RFX2: variants seen among roughly 807,000 people sequenced by gnomAD.
RFX2 encodes the protein DNA-binding protein RFX2.
Under a neutral mutation model 87.8 loss-of-function variants are expected in RFX2, and 20 were observed. The observed-to-expected ratio is 0.23, with a 90% CI of 0.16 to 0.33. The LOEUF (loss-of-function observed/expected upper bound fraction) is 0.33, where lower values mean the gene tolerates loss of function less well. Among genes scored for constraint, RFX2 ranks in the 10% least tolerant of loss-of-function variants. RFX2 has a pLI of 1.00. For missense variants in RFX2, 767 were observed against 1,012.3 expected (o/e 0.76, Z 3.29); for synonymous variants, 397 against 431.3 (o/e 0.92, Z 0.98).
intron 2 of RFX2, among the ~76,000 whole-genome samples, chr19:6,046,655 G>A (rs1397883322): frequency 7.2e-6 from 1 of 139,524 alleles, no homozygotes; most frequent in Non-Finnish European, 1.5e-5. Context: ...GAGAGCAGTG[G>A]TATGATTACA....
intron 1 of RFX2, chr19:6,072,955 G>A (rs375814391): frequency 2.8e-6 from 2 of 709,262 alleles, no homozygotes; most frequent in Non-Finnish European, 2.5e-6. Context: ...TGACAATAGG[G>A]TTTGCAGAAG....
intron 1 of RFX2, among the ~76,000 whole-genome samples, chr19:6,049,784 TCC>T (rs1007194925): frequency 6.6e-6 from 1 of 152,220 alleles, no homozygotes; most frequent in African/African-American, 2.4e-5. Flanking sequence ...TGCCTCAGCC[TCC>T]CAAAGTGCTG....
rs2086803259 is a variant in RFX2, at chr19:6,020,956, CT to C, written c.598-4686del. On this transcript the variant is annotated intron_variant, in intron 6 of 17. Transcript: ENST00000303657. The surrounding 1 kb of genome is among the most constrained non-coding windows in gnomAD (Gnocchi z 5.3). Reference sequence around the variant, plus strand: ...AAAATCCCGAAATGCCAGCGCCTCCCTCTCCCCGGCCCCCCAACAAAGGCCT... The same window carrying C: ...AAAATCCCGAAATGCCAGCGCCTCCCCTCCCCGGCCCCCCAACAAAGGCCT... Among the ~76,000 whole-genome samples the C allele has an allele frequency of 6.6e-6, 1 of 152,224 alleles. No individual in the cohort carries two copies. Among genetic ancestry groups the C allele is most frequent in the African/African-American group, 2.4e-5 (1 of 41,448 alleles).
intron 5 of RFX2, among the ~76,000 whole-genome samples, chr19:6,035,120 T>A (rs2087003980): frequency 6.6e-6 from 1 of 152,152 alleles, no homozygotes; most frequent in African/African-American, 2.4e-5. Flanking sequence ...AGAAAAATTT[T>A]AAAAAAGATA....
In RFX2 at chr19:6,020,908, C is replaced by T. The variant is rs1226288659; in HGVS notation, c.598-4637G>A. Among the ~76,000 whole-genome samples, 9 of 152,212 alleles carry T rather than the reference C, an allele frequency of 5.9e-5. No individual in the cohort carries two copies. Among genetic ancestry groups the T allele is most frequent in the Non-Finnish European group, 4.4e-5 (3 of 68,040 alleles). Reference sequence around the variant, plus strand: ...CAGCACACTTCTTGATGAAATGGATCAAATCATTCCTTTTAAGGAAAAAAA... The same window carrying T: ...CAGCACACTTCTTGATGAAATGGATTAAATCATTCCTTTTAAGGAAAAAAA... On this transcript the variant is annotated intron_variant, in intron 6 of 17. Transcript: ENST00000303657. This position sits in a 1 kb window ranked among gnomAD's most constrained non-coding sequence, Gnocchi z 5.3.
In RFX2 at chr19:5,994,875, C is replaced by G; in HGVS notation, c.2132G>C (p.Arg711Pro). ...ARSLGEPLVK[R>P]ERSDPNHSLQ... ...GGAGTGGTTGGGGTCACTGCGCTCC[C>G]GCTTTACCAGGGGCTCACCCAGGCT... The change falls in exon 18 of 18, where the codon CGG (arginine) becomes CCG (proline). Residue 711 changes from arginine (R) to proline (P), a missense_variant. By Grantham distance (103) the Arg-to-Pro change is moderately radical. This residue lies in a region of RFX2 where 621 missense variants were observed against 873.0 expected (regional missense o/e 0.71). Transcript: ENST00000303657. The G allele has an allele frequency of 6.2e-7, 1 of 1,610,682 alleles. No homozygotes were observed. The highest frequency in any genetic ancestry group is 1.1e-5 in the South Asian group (1 of 91,076).
Position 6,041,900 on chromosome 19 carries a change from A to C in RFX2, c.260+144T>G. 9.7e-6 allele frequency: 7 copies of C among 724,512 alleles called. No individual in the cohort carries two copies. The South Asian group carries it at 1.1e-4, about 11-fold the overall frequency. The allele number at this position is 724,512 out of a possible 1,614,324, so 44.9% of individuals were successfully genotyped here. On this transcript the variant is annotated intron_variant, in intron 4 of 17. Transcript: ENST00000303657. ...AAAATTTTTTGTAGAGATATTGCCC[A>C]GTTTCCTAATAGCATTTTAACAGTA...
At position 6,044,243 on chromosome 19, in the gene RFX2, C is replaced by A; in HGVS notation, c.130G>T (p.Ala44Ser). ...GGGAGGGAGATCGGCTGCATCTGGG[C>A]CCCTTTGGGATTGGAGCTGGCTGCC... Reference protein sequence around the residue: ...VQAASSNPKGAQMQPISLPRV... With the variant: ...VQAASSNPKGSQMQPISLPRV... Residue 44 changes from alanine (A) to serine (S), a missense_variant, in exon 3 of 18, where the codon GCC (alanine) becomes TCC (serine). By Grantham distance (99) the Ala-to-Ser change is moderately conservative. Coordinates refer to ENST00000303657, the MANE Select transcript of RFX2 (RefSeq NM_000635.4). This position sits in a 1 kb window ranked among gnomAD's most constrained non-coding sequence, Gnocchi z 5.3. 1 of 1,576,004 alleles carries A rather than the reference C, an allele frequency of 6.3e-7. No individual in the cohort carries two copies. Among genetic ancestry groups the A allele is most frequent in the Non-Finnish European group, 8.6e-7 (1 of 1,161,654 alleles).
intron 12 of RFX2, among the ~76,000 whole-genome samples, chr19:6,006,385 C>T (rs1057092109): frequency 3.3e-5 from 5 of 151,906 alleles, no homozygotes; most frequent in Admixed American, 6.6e-5. Context: ...TCTCAAACTC[C>T]TGGGCTCAAG....
intron 3 of RFX2, among the ~76,000 whole-genome samples, chr19:6,043,615 G>C (rs1271187833): frequency 6.6e-6 from 1 of 152,226 alleles, no homozygotes; most frequent in African/African-American, 2.4e-5. Flanking sequence ...CTGCTTTTGC[G>C]ATACAATGGC....
intron 3 of RFX2, among the ~76,000 whole-genome samples, 167 bp from the exon 4 acceptor site, chr19:6,042,290 T>C (rs2087121717): frequency 6.6e-6 from 1 of 152,176 alleles, no homozygotes; most frequent in African/African-American, 2.4e-5. Flanking sequence ...GAGACAGTAA[T>C]GTACAGACGA....
Position 6,063,339 on chromosome 19 carries a change from C to T in RFX2, c.-8-15835G>A, listed in dbSNP as rs992767719. On this transcript the variant is annotated intron_variant, in intron 1 of 17. Coordinates refer to ENST00000303657, the MANE Select transcript of RFX2 (RefSeq NM_000635.4). This position sits in a 1 kb window ranked among gnomAD's most constrained non-coding sequence, Gnocchi z 4.0. ...CCTGCAAGTCTAAGGTCTGCAGAAT[C>T]GAGGGAGGCCAGCATGGCACACAGC... Among the ~76,000 whole-genome samples the T allele has an allele frequency of 1.3e-5, 2 of 152,210 alleles. No individual in the cohort carries two copies. The highest frequency in any genetic ancestry group is 2.1e-4 in the South Asian group (1 of 4,830).
In RFX2 at chr19:5,994,676, C is replaced by T; in HGVS notation, c.*159G>A. Reference sequence around the variant, plus strand: ...TGGGCTTCTGTAGCTTCAACAACTGCTTTCCTTCTTGAACACTGACCCCGG... The same window carrying T: ...TGGGCTTCTGTAGCTTCAACAACTGTTTTCCTTCTTGAACACTGACCCCGG... On this transcript the variant is annotated 3_prime_UTR_variant, in exon 18 of 18. Transcript: ENST00000303657. The T allele has an allele frequency of 1.7e-6, 1 of 604,698 alleles. No homozygotes were observed. The highest frequency in any genetic ancestry group is 2.9e-6 in the Non-Finnish European group (1 of 339,754). The allele number at this position is 604,698 out of a possible 1,614,324, so 37.5% of individuals were successfully genotyped here.
intron 1 of RFX2, among the ~76,000 whole-genome samples, chr19:6,067,264 TGAAAACAGAG>T (rs1432026123): frequency 6.6e-6 from 1 of 152,158 alleles, no homozygotes; most frequent in Non-Finnish European, 1.5e-5. Context: ...GAAAAAAGTG[TGAAAACAGAG>T]GAGTTGATAC....
At position 6,007,725 on chromosome 19, in the gene RFX2, G is replaced by C; in HGVS notation, c.1212C>G (p.Ala404=). The change falls in exon 11 of 18, where the codon GCC becomes GCG. Residue 404 remains alanine (A), a synonymous_variant. Coordinates refer to ENST00000303657, the MANE Select transcript of RFX2 (RefSeq NM_000635.4). This position sits in a 1 kb window ranked among gnomAD's most constrained non-coding sequence, Gnocchi z 8.2. The stretch of plus-strand genomic sequence containing the variant: ...GAGAGGTGGGGCCGTCGCTGGAGGA[G>C]GCCTTAGAGTTCCAGAAGGAGAGCC... ...KLWLSFWNSK[A]SSSDGPTSLP... 1.9e-6 allele frequency: 3 copies of C among 1,555,784 alleles called. No homozygotes were observed. Among genetic ancestry groups the C allele is most frequent in the South Asian group, 1.2e-5 (1 of 84,396 alleles).
rs148858952 is a variant in RFX2, at chr19:6,085,646, C to T, written c.-9+24747G>A. On this transcript the variant is annotated intron_variant, in intron 1 of 17. Coordinates refer to ENST00000303657, the MANE Select transcript of RFX2 (RefSeq NM_000635.4). ...CTAATCCTTCTGTTTTTCCTTTTGTCGTGAGTGCTTTTGATGTCCTATCCA... is the reference window on the plus strand; with the variant it reads ...CTAATCCTTCTGTTTTTCCTTTTGTTGTGAGTGCTTTTGATGTCCTATCCA... Among the ~76,000 whole-genome samples the T allele has an allele frequency of 1.6e-3, 238 of 152,236 alleles. 1 individual carries two copies. Among genetic ancestry groups the T allele is most frequent in the African/African-American group, 5.3e-3 (221 of 41,550 alleles).
intron 5 of RFX2, among the ~76,000 whole-genome samples, chr19:6,038,703 C>T (rs1196590423): frequency 2.0e-5 from 3 of 152,194 alleles, no homozygotes; most frequent in Non-Finnish European, 2.9e-5. Context: ...ACCAGAGCAT[C>T]TACACTCACA....
intron 1 of RFX2, among the ~76,000 whole-genome samples, chr19:6,080,933 G>T (rs534541403): frequency 1.3e-5 from 2 of 151,758 alleles, no homozygotes; most frequent in Non-Finnish European, 1.5e-5. Flanking sequence ...TTACTTGGGA[G>T]GCTGAGGCAG....
intron 1 of RFX2, among the ~76,000 whole-genome samples, chr19:6,070,963 C>A (rs1176480695): frequency 1.3e-5 from 2 of 152,218 alleles, no homozygotes; most frequent in Non-Finnish European, 2.9e-5. Context: ...AGCAGTCTTC[C>A]CACCTCAGCC....
Sources: allele counts gnomAD v4.1 joint callset (sites outside exome capture counted in the v4.1 genomes callset), GRCh38; gene constraint gnomAD v4.1.1; regional missense constraint gnomAD v4.1.1; non-coding constraint Gnocchi (gnomAD v3.1); transcripts MANE v1.5; gene names NCBI Gene and HGNC (gene_info 2026-07-23, HGNC 2026-07-21).